MRS2: variants seen among roughly 807,000 people sequenced by gnomAD.
MRS2 encodes the protein magnesium transporter MRS2.
A neutral mutation model predicts 52.6 loss-of-function variants in MRS2; 40 were observed. That is an observed-to-expected ratio of 0.76 (90% CI 0.59 to 0.99). MRS2 has a LOEUF of 0.99. MRS2 is among the 50% of genes least tolerant of loss of function. The pLI, the probability that MRS2 is intolerant of heterozygous loss-of-function variation, is 0.00. For synonymous variants in MRS2, 193 were observed against 195.9 expected (o/e 0.98, Z 0.13); for missense variants, 472 against 532.7 (o/e 0.89, Z 1.12).
intron 5 of MRS2, among the ~76,000 whole-genome samples, chr6:24,413,410 G>T (rs1365156598): frequency 6.6e-6 from 1 of 152,094 alleles, no homozygotes; most frequent in African/African-American, 2.4e-5. Context: ...CTACATAGAA[G>T]CAAGACCAGC....
intron 2 of MRS2, among the ~76,000 whole-genome samples, chr6:24,405,678 A>G (rs1761444624): frequency 6.6e-6 from 1 of 151,736 alleles, no homozygotes; most frequent in South Asian, 2.1e-4. Context: ...GTATTTTTAG[A>G]GAAAGAAGGC....
chr6:24,403,412 A>G (rs1761355258), intron 1 of MRS2, among the ~76,000 whole-genome samples, 176 bp downstream of exon 1: 1 of 152,242 alleles, frequency 6.6e-6, no homozygotes, highest in African/African-American at 2.4e-5. Flanking sequence ...CCACTCGCTC[A>G]GAATGCGACC....
chr6:24,415,096 TTGG>T lies in MRS2; in HGVS notation c.656_658del (p.Val219del), dbSNP rs1290804299. ...ACTGATCCTTGAGACCTTGGATGCT[TTGG>T]TGGACCCCAAACATTCTTCTGTAGA... On this transcript the variant is annotated inframe_deletion, in exon 6 of 11. Transcript: ENST00000378386. The T allele has an allele frequency of 3.1e-6, 5 of 1,612,262 alleles. No homozygotes were observed. Among genetic ancestry groups the T allele is most frequent in the Non-Finnish European group, 4.2e-6 (5 of 1,178,630 alleles).
intron 2 of MRS2, 24 bp from the exon 3 acceptor site, chr6:24,408,384 A>G (rs1254030004): frequency 6.8e-7 from 1 of 1,468,478 alleles, no homozygotes; most frequent in Admixed American, 1.7e-5. Context: ...GAAAATCATA[A>G]TTTGTTTTAT....
intron 5 of MRS2, among the ~76,000 whole-genome samples, chr6:24,412,984 T>C (rs1183828640): frequency 1.3e-5 from 2 of 152,024 alleles, no homozygotes; most frequent in African/African-American, 2.4e-5. Flanking sequence ...ATGAGGTGCA[T>C]TGGGTTGGGT....
intron 9 of MRS2, among the ~76,000 whole-genome samples, chr6:24,419,761 C>T (rs1376821575): frequency 1.3e-5 from 2 of 152,208 alleles, no homozygotes; most frequent in Non-Finnish European, 2.9e-5. Flanking sequence ...GAATTGGTTA[C>T]AGGATCCCCA....
chr6:24,403,172 A>T lies in MRS2; in HGVS notation c.126A>T (p.Arg42=), dbSNP rs1280433027. 8 of 1,607,872 alleles carry T rather than the reference A, an allele frequency of 5.0e-6. No individual in the cohort carries two copies. The highest frequency in any genetic ancestry group is 6.8e-6 in the Non-Finnish European group (8 of 1,179,842). The change falls in exon 1 of 11, where the codon CGA becomes CGT. Residue 42 remains arginine, a synonymous_variant. Transcript: ENST00000378386. ...VGPPVAACGR[R]ANLIGRSRAA... ...CTCCCGTTGCTGCCTGCGGCCGCCG[A>T]GCCAACCTGATTGGAAGGAGCCGAG... is the stretch of plus-strand genomic sequence containing the variant.
chr6:24,412,037 C>G (rs1267045518), intron 4 of MRS2, among the ~76,000 whole-genome samples, 185 bp from the exon 5 acceptor site: 2 of 149,152 alleles, frequency 1.3e-5, no homozygotes, highest in African/African-American at 4.9e-5. Flanking sequence ...CAAAAATGAA[C>G]ACTGATTTGG....
chr6:24,406,967 A>G (rs1761496484), intron 2 of MRS2, among the ~76,000 whole-genome samples: 2 of 152,186 alleles, frequency 1.3e-5, no homozygotes, highest in Non-Finnish European at 2.9e-5. Flanking sequence ...AATTTGTATG[A>G]TTTAAAAAAT....
chr6:24,415,140 C>T lies in MRS2; in HGVS notation c.696C>T (p.His232=), dbSNP rs1761804621. 1 of 1,596,578 alleles carries T rather than the reference C, an allele frequency of 6.3e-7. No individual in the cohort carries two copies. The highest frequency in any genetic ancestry group is 1.3e-5 in the African/African-American group (1 of 74,758). The part of the protein sequence containing the change: ...KHSSVDRSKL[H]ILLQNGKSLS... Reference sequence around the variant, plus strand: ...CTTCTGTAGACAGAAGCAAACTGCACATTTTACTACAGAATGGCAAAAGGT... The same window carrying T: ...CTTCTGTAGACAGAAGCAAACTGCATATTTTACTACAGAATGGCAAAAGGT... Residue 232 remains histidine, a synonymous_variant, in exon 6 of 11, where the codon CAC becomes CAT. Coordinates refer to ENST00000378386, the MANE Select transcript of MRS2 (RefSeq NM_020662.4).
chr6:24,409,622 A>G, intron 4 of MRS2, 49 bp downstream of exon 4: 1 of 1,174,814 alleles, frequency 8.5e-7, no homozygotes. Flanking sequence ...ATCTTATAAA[A>G]GTTACCTTCT....
rs925386096 is a variant in MRS2 at position 24,416,353 on chromosome 6, T to C, written c.720-44T>C. The C allele has an allele frequency of 7.4e-6, 6 of 807,630 alleles. No individual in the cohort carries two copies. In the African/African-American group the frequency reaches 8.6e-5, roughly 12 times the overall value. 50.0% of individuals were successfully genotyped at this position (807,630 alleles called of 1,614,324 possible). A position where few individuals can be genotyped will look rare whatever the true frequency, so the allele number is the denominator to read the frequency against. On this transcript the variant is annotated intron_variant, in intron 6 of 10. Coordinates refer to ENST00000378386, the MANE Select transcript of MRS2 (RefSeq NM_020662.4). The stretch of plus-strand genomic sequence containing the variant: ...AAAACACTATTATGAAATGTTCTTA[T>C]AAGTTTATTCTATTGATCATTTTTG...
chr6:24,423,689 C>CGGTTT lies in MRS2; in HGVS notation c.1328_1329insGTTTG (p.Ter444PhefsTer21). 1 of 1,576,554 alleles carries CGGTTT rather than the reference C, an allele frequency of 6.3e-7. No individual in the cohort carries two copies. Among genetic ancestry groups the CGGTTT allele is most frequent in the Non-Finnish European group, 8.7e-7 (1 of 1,148,178 alleles). Reference sequence around the variant, plus strand: ...ATCAGGAAGGAGCATCCTAACAAACCGTTAGGAACAGCCCCGTGGATACTG... The same window carrying CGGTTT: ...ATCAGGAAGGAGCATCCTAACAAACCGGTTTGTTAGGAACAGCCCCGTGGATACTG... On this transcript the variant is annotated frameshift_variant, in exon 11 of 11. Transcript: ENST00000378386. LOFTEE classifies it high-confidence loss of function.
Position 24,405,212 on chromosome 6 carries a change from T to G in MRS2, c.235T>G (p.Leu79Val), listed in dbSNP as rs770113409. Residue 79 changes from leucine (L) to valine (V), a missense_variant, in exon 2 of 11, where the codon TTA (leucine) becomes GTA (valine). Coordinates refer to ENST00000378386, the MANE Select transcript of MRS2 (RefSeq NM_020662.4). ...FRTSDVSQAT[L>V]ASVAPVFTVT... ...AACCTCTGACGTCTCTCAAGCCACT[T>G]TAGCCAGTGTAGCCCCAGTATTTAC... The G allele has an allele frequency of 8.6e-5, 139 of 1,613,836 alleles. No individual in the cohort carries two copies. The highest frequency in any genetic ancestry group is 1.1e-4 in the Non-Finnish European group (134 of 1,179,814).
intron 9 of MRS2, among the ~76,000 whole-genome samples, chr6:24,420,802 G>C (rs1023519785): frequency 6.6e-6 from 1 of 152,174 alleles, no homozygotes; most frequent in African/African-American, 2.4e-5. Flanking sequence ...AACGATCTGA[G>C]CTTGTTCATG....
At chr6:24,412,745 C>T (rs1418247926) in intron 5 of MRS2, among the ~76,000 whole-genome samples, 1 of 152,168 alleles carries the variant, frequency 6.6e-6, no homozygotes, top group African/African-American at 2.4e-5. Context: ...GAATCACGCA[C>T]AGTTCTTCCA....
In MRS2 at chr6:24,418,561, G is replaced by T; in HGVS notation, c.1090G>T (p.Glu364Ter). 1 of 1,612,494 alleles carries T rather than the reference G, an allele frequency of 6.2e-7. No individual in the cohort carries two copies. Residue 364 changes from glutamate to a stop codon, truncating the protein, a stop_gained, in exon 9 of 11, where the codon GAA becomes TAA. Transcript: ENST00000378386. LOFTEE classifies it high-confidence loss of function. ...GGGAGTTGCTTTTGGAATGAATTTG[G>T]AATCTTCCCTTGAAGAGGTGAGAAT... is the stretch of plus-strand genomic sequence containing the variant. ...LMGVAFGMNLESSLEEDHRIF... is the reference protein window; with the variant it reads ...LMGVAFGMNL
intron 7 of MRS2, 103 bp from the exon 8 acceptor site, chr6:24,417,981 C>A (rs1761909934): frequency 2.3e-6 from 2 of 867,116 alleles, no homozygotes; most frequent in South Asian, 2.1e-5. Context: ...GCTAGCTTTT[C>A]CACTGGTAGC....
At chr6:24,413,064 TAA>T (rs1197395850) in intron 5 of MRS2, among the ~76,000 whole-genome samples, 1 of 151,934 alleles carries the variant, frequency 6.6e-6, no homozygotes, top group Non-Finnish European at 1.5e-5. Context: ...CTGCTTGGGG[TAA>T]TTAATGAGCA....
Sources: allele counts gnomAD v4.1 joint callset (sites outside exome capture counted in the v4.1 genomes callset), GRCh38; gene constraint gnomAD v4.1.1; transcripts MANE v1.5; gene names NCBI Gene and HGNC (gene_info 2026-07-23, HGNC 2026-07-21).